CSMD1: variants seen among roughly 807,000 people sequenced by gnomAD.
CSMD1 encodes CUB and sushi domain-containing protein 1.
CSMD1 carries 213 observed loss-of-function variants against 417.5 expected under a neutral mutation model. The ratio of observed to expected loss-of-function variants is 0.51; its 90% CI spans 0.46 to 0.57. The LOEUF (loss-of-function observed/expected upper bound fraction) is 0.57. Among genes scored for constraint, CSMD1 ranks in the 20% least tolerant of loss-of-function variants. The probability of loss-of-function intolerance (pLI) is 0.00; values close to 1 mark genes in which losing one functional copy is unlikely to be tolerated. For missense variants in CSMD1, 6,923 were observed against 4,529.7 expected (o/e 1.53, Z -15.17); for synonymous variants, 2,862 against 1,736.8 (o/e 1.65, Z -16.11).
chr8:4,346,115 A>G (rs147379259), intron 3 of CSMD1, among the ~76,000 whole-genome samples: 11 of 152,272 alleles, frequency 7.2e-5, no homozygotes, highest in African/African-American at 2.6e-4. Flanking sequence ...CAGCATTAGA[A>G]AGGACCTGGA....
At chr8:4,972,282 A>AAT (rs1488805912) in intron 1 of CSMD1, among the ~76,000 whole-genome samples, 8 of 145,716 alleles carry the variant, frequency 5.5e-5, no homozygotes, top group African/African-American at 2.3e-4. Context: ...CTCTGTCACC[A>AAT]CCAAAAATTT....
intron 5 of CSMD1, among the ~76,000 whole-genome samples, chr8:3,956,761 C>G (rs1164454557): frequency 1.3e-5 from 2 of 152,082 alleles, no homozygotes; most frequent in African/African-American, 4.8e-5. Context: ...AACTCCAAAG[C>G]TTAGTTTTAG....
chr8:4,083,193 G>C (rs1041248975), intron 3 of CSMD1, among the ~76,000 whole-genome samples: 1 of 152,072 alleles, frequency 6.6e-6, no homozygotes, highest in East Asian at 1.9e-4. Context: ...TTGCCACACT[G>C]ACTTCCACAA....
chr8:4,689,046 T>A (rs116971553), intron 1 of CSMD1, among the ~76,000 whole-genome samples: 88 of 152,366 alleles, frequency 5.8e-4, no homozygotes, highest in Non-Finnish European at 1.0e-3. Context: ...GCTGTCCACA[T>A]AATAACTTGC....
At chr8:4,644,609 G>T (rs992123373) in intron 1 of CSMD1, among the ~76,000 whole-genome samples, 2 of 152,240 alleles carry the variant, frequency 1.3e-5, no homozygotes, top group South Asian at 4.1e-4. Context: ...GTTGTTCACC[G>T]TGTTGCCCAG....
intron 1 of CSMD1, among the ~76,000 whole-genome samples, chr8:4,845,590 T>C (rs572220405): frequency 1.1e-4 from 17 of 152,368 alleles, no homozygotes; most frequent in East Asian, 3.9e-4. Context: ...CCAATATTTA[T>C]TGGGTTCCTA....
At chr8:3,673,851 C>T (rs1799219823) in intron 7 of CSMD1, among the ~76,000 whole-genome samples, 1 of 152,152 alleles carries the variant, frequency 6.6e-6, no homozygotes, top group Non-Finnish European at 1.5e-5. Context: ...GGCATGGTGG[C>T]TCACCCCTGT....
intron 1 of CSMD1, among the ~76,000 whole-genome samples, chr8:4,741,568 T>C (rs73661108): frequency 0.011 from 1,699 of 152,354 alleles, 22 homozygotes; most frequent in African/African-American, 0.035. Flanking sequence ...CTGGAGGTTT[T>C]AGATCTTAAC....
chr8:4,467,414 C>T (rs1199359634), intron 2 of CSMD1, among the ~76,000 whole-genome samples: 1 of 151,668 alleles, frequency 6.6e-6, no homozygotes, highest in Non-Finnish European at 1.5e-5. Flanking sequence ...TTCTCTTTTT[C>T]CGTCTTAGAC....
At chr8:3,239,205 G>C (rs1019941759) in intron 26 of CSMD1, among the ~76,000 whole-genome samples, 1 of 152,128 alleles carries the variant, frequency 6.6e-6, no homozygotes, top group African/African-American at 2.4e-5. Context: ...CCTAAATACT[G>C]AGGAGCGTAA....
intron 2 of CSMD1, among the ~76,000 whole-genome samples, chr8:4,477,756 T>A (rs1026349899): frequency 6.6e-6 from 1 of 152,172 alleles, no homozygotes; most frequent in African/African-American, 2.4e-5. Flanking sequence ...AACCTCTTAC[T>A]CACAATACTG....
chr8:3,744,370 C>T (rs987601184), intron 6 of CSMD1, among the ~76,000 whole-genome samples: 5 of 152,122 alleles, frequency 3.3e-5, no homozygotes, highest in African/African-American at 1.2e-4. Flanking sequence ...CAGGGCACAG[C>T]AGGACCAGAT....
intron 25 of CSMD1, among the ~76,000 whole-genome samples, chr8:3,290,998 C>A (rs1004580558): frequency 6.6e-6 from 1 of 152,132 alleles, no homozygotes; most frequent in Non-Finnish European, 1.5e-5. Flanking sequence ...AGATACGTCC[C>A]ATCAACACCT....
At chr8:3,568,559 A>G (rs1014544971) in intron 10 of CSMD1, among the ~76,000 whole-genome samples, 6 of 152,216 alleles carry the variant, frequency 3.9e-5, no homozygotes, top group African/African-American at 1.4e-4. Flanking sequence ...AGCTGAAATT[A>G]TGTCACCACA....
chr8:4,986,392 T>C (rs1468761851), intron 1 of CSMD1, among the ~76,000 whole-genome samples: 1 of 152,142 alleles, frequency 6.6e-6, no homozygotes. Context: ...CACTTTCTGT[T>C]AAAAAAGAAG....
chr8:4,341,366 A>G (rs903633418), intron 3 of CSMD1, among the ~76,000 whole-genome samples: 2 of 152,156 alleles, frequency 1.3e-5, no homozygotes, highest in Admixed American at 6.6e-5. Context: ...CATATTCACT[A>G]TCGCAGGAAA....
At chr8:4,202,800 G>A (rs906269050) in intron 3 of CSMD1, among the ~76,000 whole-genome samples, 4 of 152,134 alleles carry the variant, frequency 2.6e-5, no homozygotes, top group Non-Finnish European at 4.4e-5. Context: ...GGATTCAAAC[G>A]TCAGAAAATA....
intron 3 of CSMD1, among the ~76,000 whole-genome samples, chr8:4,178,943 G>A (rs1293364074): frequency 2.0e-5 from 3 of 152,216 alleles, no homozygotes; most frequent in African/African-American, 4.8e-5. Flanking sequence ...CAAACAAATG[G>A]AAGAACATTC....
intron 3 of CSMD1, among the ~76,000 whole-genome samples, chr8:4,300,009 C>G (rs1563413700): frequency 6.6e-6 from 1 of 152,142 alleles, no homozygotes; most frequent in South Asian, 2.1e-4. Flanking sequence ...AAGCATAAAT[C>G]TACAAGTTTG....
Sources: gnomAD v4.1 joint callset for allele counts (sites outside exome capture counted in the v4.1 genomes callset) on GRCh38, gnomAD v4.1.1 for gene constraint, MANE v1.5 for transcripts, NCBI Gene and HGNC (gene_info 2026-07-23, HGNC 2026-07-21) for gene names.